PTK2: variants seen among roughly 807,000 people sequenced by gnomAD.
PTK2 encodes focal adhesion kinase 1.
PTK2 carries 45 observed loss-of-function variants against 150.1 expected under a neutral mutation model. The ratio of observed to expected loss-of-function variants is 0.30; its 90% CI spans 0.24 to 0.38. The LOEUF is 0.38. Ranked by LOEUF, PTK2 falls within the 10% of genes least tolerant of loss-of-function variation. The probability of loss-of-function intolerance (pLI) is 1.00; values close to 1 mark genes in which losing one functional copy is unlikely to be tolerated. For synonymous variants in PTK2, 432 were observed against 449.2 expected (o/e 0.96, Z 0.48); for missense variants, 919 against 1,307.3 (o/e 0.70, Z 4.58).
At chr8:140,826,869 G>T (rs1039352455) in intron 8 of PTK2, among the ~76,000 whole-genome samples, 46 of 152,068 alleles carry the variant, frequency 3.0e-4, no homozygotes, top group African/African-American at 1.1e-3. Context: ...AGTGAGCCAA[G>T]ATCGCGCCAA....
chr8:140,679,626 G>A (rs2100015951), intron 27 of PTK2, among the ~76,000 whole-genome samples: 1 of 152,182 alleles, frequency 6.6e-6, no homozygotes, highest in Non-Finnish European at 1.5e-5. Flanking sequence ...TTTGTAAACT[G>A]AGGCTAATAA....
chr8:140,692,604 T>C (rs1407488066), intron 26 of PTK2, among the ~76,000 whole-genome samples: 2 of 148,908 alleles, frequency 1.3e-5, no homozygotes, highest in African/African-American at 5.0e-5. Flanking sequence ...GGGACAAGAG[T>C]AAGACTTCGT....
intron 13 of PTK2, 133 bp from the exon 14 acceptor site, chr8:140,789,659 T>C: frequency 2.6e-6 from 2 of 758,200 alleles, no homozygotes; most frequent in Non-Finnish European, 4.3e-6. Context: ...AAAAATTGGA[T>C]TCTACTATTA....
chr8:140,795,383 C>G (rs933571533), intron 12 of PTK2, among the ~76,000 whole-genome samples: 2 of 152,156 alleles, frequency 1.3e-5, no homozygotes, highest in Non-Finnish European at 2.9e-5. Flanking sequence ...TGGGTCTCTG[C>G]TGTTCCAGGC....
At chr8:140,880,793 A>C (rs2100148681) in intron 3 of PTK2, among the ~76,000 whole-genome samples, 1 of 152,172 alleles carries the variant, frequency 6.6e-6, no homozygotes, top group Admixed American at 6.5e-5. Flanking sequence ...CCATATACAA[A>C]AACTGTCCAA....
At chr8:140,725,844 CA>C (rs551800761) in intron 22 of PTK2, among the ~76,000 whole-genome samples, 3,682 of 69,842 alleles carry the variant, frequency 0.053, 62 homozygotes, top group Middle Eastern at 0.067. Context: ...CCTTGATATA[CA>C]AAAAAAAAAA....
At chr8:140,669,504 G>C (rs2094471224) in intron 29 of PTK2, 1 of 522,920 alleles carries the variant, frequency 1.9e-6, no homozygotes, top group Non-Finnish European at 3.3e-6. Context: ...CTGGGTATGA[G>C]ATAGAAAAGC....
intron 22 of PTK2, among the ~76,000 whole-genome samples, chr8:140,720,232 CTTAT>C (rs1047505584): frequency 3.3e-5 from 5 of 152,052 alleles, no homozygotes; most frequent in East Asian, 1.9e-4. Flanking sequence ...TTCAATTTTC[CTTAT>C]TTATTTTAAT....
chr8:140,664,994 C>T, exon 31 of PTK2: 1 of 1,613,714 alleles, frequency 6.2e-7, no homozygotes, highest in African/African-American at 1.3e-5. Context: ...GCCAAGCCGA[C>T]TTCCTAACAG....
At chr8:140,886,949 A>G (rs2100152527) in intron 3 of PTK2, among the ~76,000 whole-genome samples, 1 of 152,130 alleles carries the variant, frequency 6.6e-6, no homozygotes, top group Admixed American at 6.5e-5. Context: ...CTTATTCAAC[A>G]TTGTACAGCC....
Position 140,721,180 on chromosome 8 carries a change from G to A in PTK2, c.2031-3471C>T, listed in dbSNP as rs2100042772. On this transcript the variant is annotated intron_variant, in intron 22 of 31. Transcript: ENST00000522684. ...GACTACAGGCTTACACCATATGCCT[G>A]TGCAAGTATTTCAAATGAGTTAATA... is the stretch of plus-strand genomic sequence containing the variant. Among the ~76,000 whole-genome samples the A allele has an allele frequency of 1.3e-5, 2 of 152,080 alleles. 1 individual carries two copies. The highest frequency in any genetic ancestry group is 4.1e-4 in the South Asian group (2 of 4,826).
At chr8:140,885,378 T>G (rs1188675628) in intron 3 of PTK2, among the ~76,000 whole-genome samples, 2 of 152,212 alleles carry the variant, frequency 1.3e-5, no homozygotes, top group African/African-American at 4.8e-5. Context: ...GCTGTTTGCC[T>G]GCTAGACACT....
intron 24 of PTK2, among the ~76,000 whole-genome samples, chr8:140,705,536 T>A (rs943301918): frequency 1.3e-5 from 2 of 152,072 alleles, no homozygotes; most frequent in African/African-American, 4.8e-5. Context: ...TATCCTGAAG[T>A]GAGGATGGGA....
intron 16 of PTK2, among the ~76,000 whole-genome samples, chr8:140,760,554 G>A (rs2100068824): frequency 6.6e-6 from 1 of 152,176 alleles, no homozygotes; most frequent in Non-Finnish European, 1.5e-5. Flanking sequence ...AAGTGGATGA[G>A]TGGCTGCCAA....
chr8:140,884,111 T>C (rs747143240), intron 3 of PTK2, among the ~76,000 whole-genome samples: 2 of 152,130 alleles, frequency 1.3e-5, no homozygotes, highest in African/African-American at 2.4e-5. Context: ...TTAAGGTCTG[T>C]AGCCTTCATC....
chr8:140,920,828 A>T, intron 2 of PTK2: 1 of 1,520,028 alleles, frequency 6.6e-7, no homozygotes. Context: ...AGCCCAACAC[A>T]CTGGAAATGG....
At chr8:140,668,374 C>G (rs370475701) in exon 30 of PTK2, 1 of 1,613,954 alleles carries the variant, frequency 6.2e-7, no homozygotes, top group South Asian at 1.1e-5. Flanking sequence ...CCTTATCATT[C>G]GACCGGTCCA....
intron 5 of PTK2, among the ~76,000 whole-genome samples, chr8:140,854,427 A>G (rs971365339): frequency 6.6e-6 from 1 of 152,224 alleles, no homozygotes; most frequent in African/African-American, 2.4e-5. Context: ...TGAAATACTT[A>G]TAACTTTAAC....
intron 1 of PTK2, among the ~76,000 whole-genome samples, chr8:140,963,160 T>G (rs1191000241): frequency 6.6e-6 from 1 of 152,042 alleles, no homozygotes; most frequent in East Asian, 1.9e-4. Flanking sequence ...CTTCCTCCTA[T>G]AAATATATAC....
Sources: gnomAD v4.1 joint callset for allele counts (sites outside exome capture counted in the v4.1 genomes callset) on GRCh38, gnomAD v4.1.1 for gene constraint, MANE v1.5 for transcripts, NCBI Gene and HGNC (gene_info 2026-07-23, HGNC 2026-07-21) for gene names.